The following OSBPL3 variants were observed in gnomAD, a reference collection of about 807,000 sequenced individuals.
OSBPL3 encodes oxysterol binding protein like 3.
In OSBPL3, 65 loss-of-function variants were observed where a neutral mutation model predicts 120.1. The observed-to-expected ratio is 0.54, with a 90% CI of 0.44 to 0.67. The LOEUF is 0.67. Ranked by LOEUF, OSBPL3 falls within the 30% of genes least tolerant of loss-of-function variation. The probability of loss-of-function intolerance (pLI) is 0.00; values close to 1 mark genes in which losing one functional copy is unlikely to be tolerated. For missense variants in OSBPL3, 1,004 were observed against 1,082.1 expected (o/e 0.93, Z 1.01); for synonymous variants, 416 against 402.6 (o/e 1.03, Z -0.40).
intron 7 of OSBPL3, among the ~76,000 whole-genome samples, chr7:24,864,209 G>A (rs1800987062): frequency 6.6e-6 from 1 of 152,160 alleles, no homozygotes; most frequent in African/African-American, 2.4e-5. Context: ...GATCCCAGTC[G>A]CTAACTCAAA....
intron 1 of OSBPL3, among the ~76,000 whole-genome samples, chr7:24,975,341 C>T (rs931986605): frequency 3.3e-5 from 5 of 152,222 alleles, no homozygotes; most frequent in East Asian, 3.9e-4. Flanking sequence ...TCTGTTACTT[C>T]GACATAAAAT....
At chr7:24,928,156 C>T (rs557732853) in intron 1 of OSBPL3, among the ~76,000 whole-genome samples, 5 of 151,732 alleles carry the variant, frequency 3.3e-5, no homozygotes, top group African/African-American at 1.2e-4. Flanking sequence ...GTGTCCTGTA[C>T]AGCCTGAGAA....
chr7:24,906,105 G>A (rs1251690788), intron 1 of OSBPL3: 2 of 155,344 alleles, frequency 1.3e-5, no homozygotes, highest in East Asian at 1.9e-4. Flanking sequence ...AATATAAAGA[G>A]GCCTCCCTCC....
Position 24,979,954 on chromosome 7 carries a change from C to G in OSBPL3, c.-218G>C, listed in dbSNP as rs775978875. 9.2e-6 allele frequency: 9 copies of G among 981,370 alleles called. No homozygotes were observed. Among genetic ancestry groups the G allele is most frequent in the Non-Finnish European group, 1.1e-5 (9 of 828,094 alleles). 60.8% of individuals were successfully genotyped at this position (981,370 alleles called of 1,614,324 possible). On this transcript the variant is annotated 5_prime_UTR_variant, in exon 1 of 23. Coordinates refer to ENST00000313367, the MANE Select transcript of OSBPL3 (RefSeq NM_015550.4). The stretch of plus-strand genomic sequence containing the variant: ...CGGGCTCCGGGGTTAGCGCACAGAA[C>G]CGGGAGAAGGCAACCCCGGCTTCTC...
intron 19 of OSBPL3, 164 bp from the exon 20 acceptor site, chr7:24,810,115 A>G: frequency 1.6e-6 from 1 of 637,266 alleles, no homozygotes; most frequent in Non-Finnish European, 2.7e-6. Context: ...CAAATAAAAA[A>G]TTTATATATT....
chr7:24,812,741 A>G (rs1202743473), intron 19 of OSBPL3, among the ~76,000 whole-genome samples: 1 of 152,182 alleles, frequency 6.6e-6, no homozygotes, highest in Admixed American at 6.5e-5. Flanking sequence ...CAGCTTCCGC[A>G]TTTCAAGGCT....
At chr7:24,893,823 AG>A (rs1284367111) in intron 1 of OSBPL3, among the ~76,000 whole-genome samples, 1 of 152,068 alleles carries the variant, frequency 6.6e-6, no homozygotes, top group Non-Finnish European at 1.5e-5. Context: ...GTTTTCAAAG[AG>A]GAAATGTGGG....
At chr7:24,868,363 G>C (rs929182920) in intron 5 of OSBPL3, among the ~76,000 whole-genome samples, 12 of 150,240 alleles carry the variant, frequency 8.0e-5, no homozygotes, top group African/African-American at 2.2e-4. Context: ...GTGTGTGTGT[G>C]TGTGTGTCTG....
In OSBPL3 at chr7:24,953,251, T is replaced by C. The variant is rs1428363417; in HGVS notation, c.-150+26635A>G. Reference sequence around the variant, plus strand: ...ACTTTAATTATTCTGGCAACCCATCTATAGTTCAATTCTCAATATGCCATC... The same window carrying C: ...ACTTTAATTATTCTGGCAACCCATCCATAGTTCAATTCTCAATATGCCATC... On this transcript the variant is annotated intron_variant, in intron 1 of 22. Transcript: ENST00000313367. The surrounding 1 kb of genome is among the most constrained non-coding windows in gnomAD (Gnocchi z 4.3). Among the ~76,000 whole-genome samples, 1 of 152,220 alleles carries C rather than the reference T, an allele frequency of 6.6e-6. No homozygotes were observed. The highest frequency in any genetic ancestry group is 1.5e-5 in the Non-Finnish European group (1 of 68,038).
chr7:24,831,011 C>A lies in OSBPL3; in HGVS notation c.1747-106G>T. 1 of 1,140,480 alleles carries A rather than the reference C, an allele frequency of 8.8e-7. No homozygotes were observed. The highest frequency in any genetic ancestry group is 1.2e-6 in the Non-Finnish European group (1 of 841,854). 70.6% of individuals were successfully genotyped at this position (1,140,480 alleles called of 1,614,324 possible). A position where few individuals can be genotyped will look rare whatever the true frequency, so the allele number is the denominator to read the frequency against. ...CCTCTATGATTTTCTTTCAGAAAGC[C>A]AAAGATTTGTCTTTGGTTGTTTTTA... On this transcript the variant is annotated intron_variant, in intron 15 of 22. Transcript: ENST00000313367. The surrounding 1 kb of genome is among the most constrained non-coding windows in gnomAD (Gnocchi z 4.0).
rs1816550031 is a variant in OSBPL3, at chr7:24,967,725, C to T, written c.-150+12161G>A. Among the ~76,000 whole-genome samples, 1 of 152,164 alleles carries T rather than the reference C, an allele frequency of 6.6e-6. No homozygotes were observed. Among genetic ancestry groups the T allele is most frequent in the Non-Finnish European group, 1.5e-5 (1 of 68,028 alleles). ...TCCCCAAGGTACTACAGGCTTCCCC[C>T]TTTCTCTCCTGGGACCTGCCCCAAA... On this transcript the variant is annotated intron_variant, in intron 1 of 22. Coordinates refer to ENST00000313367, the MANE Select transcript of OSBPL3 (RefSeq NM_015550.4). This position sits in a 1 kb window ranked among gnomAD's most constrained non-coding sequence, Gnocchi z 5.6.
rs1293380604 is a variant in OSBPL3 at position 24,938,992 on chromosome 7, G to A, written c.-150+40894C>T. ...CAAATGAAACAGAGTGCAAGGGGTA[G>A]GAATCAGTGTAGAAATAAAGATTAA... is the stretch of plus-strand genomic sequence containing the variant. On this transcript the variant is annotated intron_variant, in intron 1 of 22. Coordinates refer to ENST00000313367, the MANE Select transcript of OSBPL3 (RefSeq NM_015550.4). This position sits in a 1 kb window ranked among gnomAD's most constrained non-coding sequence, Gnocchi z 5.8. 6.6e-6 allele frequency among the ~76,000 whole-genome samples: 1 copy of A among 152,204 alleles called. No homozygotes were observed. The highest frequency in any genetic ancestry group is 2.4e-5 in the African/African-American group (1 of 41,512).
intron 4 of OSBPL3, 87 bp from the exon 5 acceptor site, chr7:24,870,932 TA>T: frequency 1.2e-6 from 1 of 845,764 alleles, no homozygotes; most frequent in South Asian, 1.3e-5. Context: ...CATCCCCTGA[TA>T]GTAAAATCAC....
rs1224813231 is a variant in OSBPL3, at chr7:24,938,631, C to G, written c.-150+41255G>C. Among the ~76,000 whole-genome samples, 3 of 150,652 alleles carry G rather than the reference C, an allele frequency of 2.0e-5. No individual in the cohort carries two copies. Among genetic ancestry groups the G allele is most frequent in the African/African-American group, 7.3e-5 (3 of 41,344 alleles). ...TTGAAGAGCAAAAGGGTATACCTCC[C>G]AGCTGAAGTTGTTTGTTTGTTTGTT... On this transcript the variant is annotated intron_variant, in intron 1 of 22. Transcript: ENST00000313367. This position sits in a 1 kb window ranked among gnomAD's most constrained non-coding sequence, Gnocchi z 5.8.
Position 24,912,394 on chromosome 7 carries a change from G to C in OSBPL3, c.-149-19773C>G, listed in dbSNP as rs1808950306. Among the ~76,000 whole-genome samples, 1 of 152,188 alleles carries C rather than the reference G, an allele frequency of 6.6e-6. No individual in the cohort carries two copies. Among genetic ancestry groups the C allele is most frequent in the Non-Finnish European group, 1.5e-5 (1 of 68,030 alleles). The stretch of plus-strand genomic sequence containing the variant: ...AATCAAATTCAGCAACCAGGGCCTT[G>C]ATCTTCCTTGCATATTCCCCTATGT... On this transcript the variant is annotated intron_variant, in intron 1 of 22. Transcript: ENST00000313367. The surrounding 1 kb of genome is among the most constrained non-coding windows in gnomAD (Gnocchi z 4.5).
intron 1 of OSBPL3, among the ~76,000 whole-genome samples, chr7:24,903,274 G>C (rs1397106529): frequency 6.6e-6 from 1 of 152,160 alleles, no homozygotes; most frequent in East Asian, 1.9e-4. Flanking sequence ...GGAAAGCGTG[G>C]ACTCACACTC....
At chr7:24,888,558 A>C (rs1476236145) in intron 2 of OSBPL3, among the ~76,000 whole-genome samples, 1 of 152,192 alleles carries the variant, frequency 6.6e-6, no homozygotes, top group Non-Finnish European at 1.5e-5. Flanking sequence ...CCCAGTATTT[A>C]AGTTAAAAGA....
chr7:24,929,735 T>C (rs1375664122), intron 1 of OSBPL3, among the ~76,000 whole-genome samples: 4 of 152,228 alleles, frequency 2.6e-5, no homozygotes, highest in South Asian at 2.1e-4. Context: ...ATTCCGTTTA[T>C]AGTCATCTGA....
At chr7:24,841,549 G>T (rs1219724547) in intron 13 of OSBPL3, among the ~76,000 whole-genome samples, 4 of 151,284 alleles carry the variant, frequency 2.6e-5, no homozygotes, top group African/African-American at 4.8e-5. Flanking sequence ...TACAAAAATT[G>T]GCTGGGCATG....
Sources: gnomAD v4.1 joint callset for allele counts (sites outside exome capture counted in the v4.1 genomes callset) on GRCh38, gnomAD v4.1.1 for gene constraint, Gnocchi (gnomAD v3.1) non-coding constraint, MANE v1.5 for transcripts, NCBI Gene and HGNC (gene_info 2026-07-23, HGNC 2026-07-21) for gene names.